RBM25: variants seen among roughly 807,000 people sequenced by gnomAD.
RBM25 encodes the protein RNA binding motif protein 25, also known as RNA-binding protein 25.
RBM25 carries 19 observed loss-of-function variants against 120.7 expected under a neutral mutation model. The ratio of observed to expected loss-of-function variants is 0.16; its 90% CI spans 0.11 to 0.23. The LOEUF is 0.23. RBM25 is among the 10% of genes least tolerant of loss of function. RBM25 has a pLI of 1.00. For synonymous variants in RBM25, 390 were observed against 326.7 expected, an observed-to-expected ratio of 1.19 and a Z score of -2.09; for missense variants, 605 against 1,041.5, an observed-to-expected ratio of 0.58 and a Z score of 5.77.
At chr14:73,107,121 G>C (rs1181035798) in intron 12 of RBM25, among the ~76,000 whole-genome samples, 1 of 152,150 alleles carries the variant, frequency 6.6e-6, no homozygotes, top group Non-Finnish European at 1.5e-5. Flanking sequence ...GATTACAGGC[G>C]TGTGCCACCA....
chr14:73,087,545 G>A (rs1372236881), intron 5 of RBM25, among the ~76,000 whole-genome samples: 2 of 152,060 alleles, frequency 1.3e-5, no homozygotes, highest in Admixed American at 6.5e-5. Context: ...ACAGGCGCCC[G>A]CCACCGCGCC....
At chr14:73,068,639 G>A (rs188543562) in intron 1 of RBM25, 74 of 402,500 alleles carry the variant, frequency 1.8e-4, no homozygotes, top group African/African-American at 1.5e-3. Context: ...CAAGCTCTCT[G>A]TCCAAAGAGA....
intron 1 of RBM25, among the ~76,000 whole-genome samples, chr14:73,066,968 G>T (rs1183415631): frequency 1.3e-5 from 2 of 152,082 alleles, no homozygotes; most frequent in African/African-American, 2.4e-5. Flanking sequence ...CAATGATGAG[G>T]ATATGAGGAA....
rs1049639846 is a variant in RBM25 at position 73,090,407 on chromosome 14, C to T, written c.543+2246C>T. Among the ~76,000 whole-genome samples, 53 of 152,164 alleles carry T rather than the reference C, an allele frequency of 3.5e-4. 1 individual carries two copies. Among genetic ancestry groups the T allele is most frequent in the African/African-American group, 1.2e-3 (50 of 41,460 alleles). On this transcript the variant is annotated intron_variant, in intron 6 of 18. Coordinates refer to ENST00000261973, the MANE Select transcript of RBM25 (RefSeq NM_021239.3). ...GGCTCACTCCAGTCCACGTTTCTAGCTTCCGTCTTCCCTCCCCTGCACATA... is the reference window on the plus strand; with the variant it reads ...GGCTCACTCCAGTCCACGTTTCTAGTTTCCGTCTTCCCTCCCCTGCACATA...
chr14:73,075,728 CTTAG>C (rs1895401366), intron 2 of RBM25, among the ~76,000 whole-genome samples: 2 of 151,366 alleles, frequency 1.3e-5, no homozygotes, highest in Non-Finnish European at 2.9e-5. Flanking sequence ...GAGATTTTCT[CTTAG>C]TTATTTTCAA....
chr14:73,104,300 T>C (rs1437484499), intron 10 of RBM25, among the ~76,000 whole-genome samples: 8 of 152,076 alleles, frequency 5.3e-5, no homozygotes, highest in Non-Finnish European at 1.2e-4. Flanking sequence ...TATCTACCTC[T>C]ACCTCTGGCT....
intron 1 of RBM25, among the ~76,000 whole-genome samples, chr14:73,061,285 C>T (rs1594891205): frequency 6.6e-6 from 1 of 151,190 alleles, no homozygotes; most frequent in Non-Finnish European, 1.5e-5. Context: ...CTTGGAACTT[C>T]TGACCTCAGG....
chr14:73,069,313 A>T (rs186383770), intron 1 of RBM25, among the ~76,000 whole-genome samples: 2 of 152,368 alleles, frequency 1.3e-5, no homozygotes, highest in South Asian at 4.1e-4. Context: ...TCATAGAATG[A>T]TATTAAGAAG....
intron 6 of RBM25, among the ~76,000 whole-genome samples, chr14:73,089,741 A>G (rs918062452): frequency 5.3e-5 from 8 of 151,646 alleles, no homozygotes; most frequent in African/African-American, 7.3e-5. Context: ...ACCTTAGCTC[A>G]CTGCAACCTC....
At position 73,070,136 on chromosome 14, in the gene RBM25, C is replaced by T. The variant is rs1463788986; in HGVS notation, c.-15-1491C>T. 9.2e-5 allele frequency among the ~76,000 whole-genome samples: 14 copies of T among 151,578 alleles called. 1 individual carries two copies. Among genetic ancestry groups the T allele is most frequent in the Admixed American group, 8.6e-4 (13 of 15,148 alleles). On this transcript the variant is annotated intron_variant, in intron 1 of 18. Coordinates refer to ENST00000261973, the MANE Select transcript of RBM25 (RefSeq NM_021239.3). ...TTCCCCTGTCACCCACGCTGGAGTGCAGTGGATTACAAGTGATTCTCCTGC... is the reference window on the plus strand; with the variant it reads ...TTCCCCTGTCACCCACGCTGGAGTGTAGTGGATTACAAGTGATTCTCCTGC...
Position 73,120,022 on chromosome 14 carries a change from C to A in RBM25, c.*217C>A. 1.1e-5 allele frequency: 5 copies of A among 448,560 alleles called. No individual in the cohort carries two copies. Among genetic ancestry groups the A allele is most frequent in the East Asian group, 6.9e-5 (1 of 14,490 alleles). 27.8% of individuals were successfully genotyped at this position (448,560 alleles called of 1,614,324 possible). On this transcript the variant is annotated 3_prime_UTR_variant, in exon 19 of 19. Transcript: ENST00000261973. Reference sequence around the variant, plus strand: ...TGGTTCTCTTTATACTCACCAGGTACAAATTACTGGTATGTTTTATAAGCC... The same window carrying A: ...TGGTTCTCTTTATACTCACCAGGTAAAAATTACTGGTATGTTTTATAAGCC...
At chr14:73,073,958 A>G (rs1050302067) in intron 2 of RBM25, among the ~76,000 whole-genome samples, 2 of 152,332 alleles carry the variant, frequency 1.3e-5, no homozygotes, top group South Asian at 2.1e-4. Context: ...ACTAAATTCT[A>G]CTGGAAGGCT....
chr14:73,094,827 GTGTGTGTGTGTGTGTC>G (rs923505343), intron 6 of RBM25, among the ~76,000 whole-genome samples: 30 of 134,530 alleles, frequency 2.2e-4, no homozygotes, highest in African/African-American at 3.0e-4. Context: ...GTGTGTGTGT[GTGTGTGTGTGTGTGTC>G]TGTGTGTGTG....
Position 73,121,756 on chromosome 14 carries a change from TCTC to T in RBM25, c.*1954_*1956del, listed in dbSNP as rs1407559541. 6 of 152,234 alleles carry T rather than the reference TCTC, an allele frequency of 3.9e-5. No homozygotes were observed. The highest frequency in any genetic ancestry group is 7.2e-5 in the African/African-American group (3 of 41,448). 9.4% of individuals were successfully genotyped at this position (152,234 alleles called of 1,614,324 possible). On this transcript the variant is annotated 3_prime_UTR_variant, in exon 19 of 19. Coordinates refer to ENST00000261973, the MANE Select transcript of RBM25 (RefSeq NM_021239.3). ...ATTTGATTTCCTTTGCTTCGTTTCT[TCTC>T]CTGCTCTGTCAACTGTACTTATCTT... is the stretch of plus-strand genomic sequence containing the variant.
At chr14:73,111,190 C>A (rs748861679) in intron 15 of RBM25, 35 bp downstream of exon 15, 1 of 1,516,202 alleles carries the variant, frequency 6.6e-7, no homozygotes, top group South Asian at 1.2e-5. Context: ...TTATTTTCTT[C>A]CCTTCACCCC....
chr14:73,065,443 T>A (rs558006498), intron 1 of RBM25, among the ~76,000 whole-genome samples: 209 of 148,840 alleles, frequency 1.4e-3, no homozygotes, highest in Non-Finnish European at 2.8e-3. Context: ...TTTTTTTTTT[T>A]GAAACTGAGT....
chr14:73,122,719 T>C lies in RBM25; in HGVS notation c.*2914T>C, dbSNP rs1896558397. The C allele has an allele frequency of 1.3e-5, 2 of 152,236 alleles. No individual in the cohort carries two copies. The highest frequency in any genetic ancestry group is 2.1e-4 in the South Asian group (1 of 4,836). The allele number at this position is 152,236 out of a possible 1,614,324, so 9.4% of individuals were successfully genotyped here. ...GTTTGAAGTTGTTTTTCTTAAACTT[T>C]AATGTGACCCCAAATCATCTGAGGA... On this transcript the variant is annotated 3_prime_UTR_variant, in exon 19 of 19. Transcript: ENST00000261973.
chr14:73,089,437 C>T (rs934674731), intron 6 of RBM25, among the ~76,000 whole-genome samples: 2 of 152,004 alleles, frequency 1.3e-5, no homozygotes, highest in Non-Finnish European at 2.9e-5. Context: ...TCACTGCAAC[C>T]TCTGCCTCCC....
At chr14:73,103,990 A>T (rs80117125) in intron 10 of RBM25, among the ~76,000 whole-genome samples, 17,199 of 115,528 alleles carry the variant, frequency 0.15, 1,559 homozygotes, top group East Asian at 0.3. Context: ...ACACACACAC[A>T]CACACTCTCT....
Sources: gnomAD v4.1 joint callset for allele counts (sites outside exome capture counted in the v4.1 genomes callset) on GRCh38, gnomAD v4.1.1 for gene constraint, MANE v1.5 for transcripts, NCBI Gene and HGNC (gene_info 2026-07-23, HGNC 2026-07-21) for gene names.